Variants in STK32B observed in about 807,000 individuals in gnomAD.
The protein encoded by STK32B is serine/threonine kinase 32B.
In STK32B, 43 loss-of-function variants were observed where a neutral mutation model predicts 52.6. That is an observed-to-expected ratio of 0.82 (90% confidence interval 0.64 to 1.05). STK32B has a LOEUF of 1.05. Ranked by LOEUF, STK32B falls within the 50% of genes least tolerant of loss-of-function variation. The pLI, the probability that STK32B is intolerant of heterozygous loss-of-function variation, is 0.00. For missense variants in STK32B, 621 were observed against 534.6 expected (o/e 1.16, Z -1.59); for synonymous variants, 238 against 204.3 (o/e 1.17, Z -1.41).
intron 1 of STK32B, among the ~76,000 whole-genome samples, chr4:5,090,169 A>C (rs947666684): frequency 4.3e-5 from 6 of 138,844 alleles, no homozygotes; most frequent in African/African-American, 1.2e-4. Flanking sequence ...TTGCCTGTTC[A>C]CTCTGATGCT....
Position 5,051,773 on chromosome 4 carries a change from C to A in STK32B, c.-91C>A. On this transcript the variant is annotated 5_prime_UTR_variant, in exon 1 of 12. Coordinates refer to ENST00000282908, the MANE Select transcript of STK32B (RefSeq NM_018401.3). ...GCGGCTACAACCCGGACTGGGCGCG[C>A]CCCCGGCATCCCGCATCTCTGCGCG... 6.6e-7 allele frequency: 1 copy of A among 1,523,346 alleles called. No homozygotes were observed. Among genetic ancestry groups the A allele is most frequent in the Middle Eastern group, 1.7e-4 (1 of 5,834 alleles). 94.4% of individuals were successfully genotyped at this position (1,523,346 alleles called of 1,614,324 possible).
chr4:5,499,104 A>C lies in STK32B; in HGVS notation c.*21A>C, dbSNP rs1228042789. ...GCTGAGCCCACACTTGTTGCTGCTC[A>C]ACAGGACTGCACTCGTCTCTGCCCT... On this transcript the variant is annotated 3_prime_UTR_variant, in exon 12 of 12. Coordinates refer to ENST00000282908, the MANE Select transcript of STK32B (RefSeq NM_018401.3). 1 of 1,602,520 alleles carries C rather than the reference A, an allele frequency of 6.2e-7. No homozygotes were observed. The highest frequency in any genetic ancestry group is 2.3e-5 in the East Asian group (1 of 44,336).
At chr4:5,360,109 TC>T (rs1734449093) in intron 4 of STK32B, among the ~76,000 whole-genome samples, 1 of 152,018 alleles carries the variant, frequency 6.6e-6, no homozygotes, top group South Asian at 2.1e-4. Context: ...AGAGGAATAT[TC>T]CAATGGAAGC....
intron 3 of STK32B, among the ~76,000 whole-genome samples, chr4:5,224,838 C>T (rs1363118807): frequency 1.3e-5 from 2 of 151,918 alleles, no homozygotes; most frequent in African/African-American, 4.8e-5. Flanking sequence ...ATTAATAATA[C>T]TTATAGAGTT....
chr4:5,462,338 G>C (rs1414668005), intron 9 of STK32B, among the ~76,000 whole-genome samples: 1 of 151,490 alleles, frequency 6.6e-6, no homozygotes, highest in Non-Finnish European at 1.5e-5. Flanking sequence ...GTCTATATGT[G>C]TCCGTGTGCC....
At chr4:5,033,541 G>T in the STK32B span, among the ~76,000 whole-genome samples, 2 of 152,378 alleles carry the variant, frequency 1.3e-5, no homozygotes, top group East Asian at 1.9e-4. Flanking sequence ...ACGGCAAGCA[G>T]TGTTAAGTGT....
intron 4 of STK32B, among the ~76,000 whole-genome samples, chr4:5,384,086 C>A (rs28371860): frequency 3.3e-5 from 5 of 151,892 alleles, no homozygotes; most frequent in Admixed American, 2.6e-4. Context: ...GAGGCCATAG[C>A]GGGGGACAAT....
In STK32B at chr4:5,438,528, G is replaced by C. The variant is rs374745974; in HGVS notation, c.563-8145G>C. 1.3e-3 allele frequency among the ~76,000 whole-genome samples: 196 copies of C among 152,328 alleles called. 1 individual carries two copies. Among genetic ancestry groups the C allele is most frequent in the African/African-American group, 3.8e-3 (159 of 41,570 alleles). On this transcript the variant is annotated intron_variant, in intron 6 of 11. Transcript: ENST00000282908. ...AGGAGGGTTCCCAGATTTCTGGTTT[G>C]GGTAACTGATGGACGATGGGGAGGC...
intron 3 of STK32B, among the ~76,000 whole-genome samples, chr4:5,267,517 A>G (rs1442787294): frequency 6.6e-6 from 1 of 152,166 alleles, no homozygotes; most frequent in African/African-American, 2.4e-5. Context: ...GTGTGGGAAG[A>G]TGAGAGCATT....
At chr4:5,422,982 G>C (rs542083826) in intron 6 of STK32B, among the ~76,000 whole-genome samples, 2 of 152,176 alleles carry the variant, frequency 1.3e-5, no homozygotes, top group African/African-American at 4.8e-5. Context: ...TGTGAAGGGA[G>C]AACTTGGCAG....
intron 8 of STK32B, among the ~76,000 whole-genome samples, chr4:5,457,279 A>G (rs1196792801): frequency 6.3e-5 from 9 of 141,876 alleles, no homozygotes; most frequent in South Asian, 4.6e-4. Context: ...GCAGTGGCGC[A>G]GTCTCGACTC....
upstream of STK32B, among the ~76,000 whole-genome samples, chr4:5,046,797 C>T (rs1741627101): frequency 6.6e-6 from 1 of 152,214 alleles, no homozygotes; most frequent in Non-Finnish European, 1.5e-5. Context: ...GATACCATCT[C>T]ACACCAGTCA....
chr4:5,032,775 C>T, the STK32B span, among the ~76,000 whole-genome samples: 2 of 152,178 alleles, frequency 1.3e-5, no homozygotes. Flanking sequence ...ACTCTGTCCC[C>T]ATTAACCACT....
chr4:5,279,423 A>T, intron 3 of STK32B, among the ~76,000 whole-genome samples: 1 of 148,652 alleles, frequency 6.7e-6, no homozygotes, highest in East Asian at 2.0e-4. Context: ...GATGCAAAGG[A>T]CGGGCTTCCA....
At chr4:5,167,137 G>A (rs919186731) in intron 2 of STK32B, among the ~76,000 whole-genome samples, 1 of 151,952 alleles carries the variant, frequency 6.6e-6, no homozygotes, top group Non-Finnish European at 1.5e-5. Context: ...TTTAGAGCTT[G>A]CCCCCTGGTT....
At chr4:5,220,177 G>A (rs1398493399) in intron 3 of STK32B, among the ~76,000 whole-genome samples, 1 of 152,160 alleles carries the variant, frequency 6.6e-6, no homozygotes. Flanking sequence ...GTAACCTTTA[G>A]AGCCATAGCA....
intron 1 of STK32B, among the ~76,000 whole-genome samples, chr4:5,106,627 A>G (rs969245920): frequency 2.6e-5 from 4 of 152,286 alleles, no homozygotes; most frequent in Middle Eastern, 3.4e-3. Context: ...TATGCCATTT[A>G]TAGATTGTTT....
intron 4 of STK32B, among the ~76,000 whole-genome samples, chr4:5,370,996 GTATATATATATATA>G (rs1553879921): frequency 1.1e-4 from 15 of 141,118 alleles, no homozygotes; most frequent in Admixed American, 7.0e-4. Flanking sequence ...GTGTGTGTGT[GTATATATATATATA>G]TGTATATATA....
At chr4:5,176,668 T>C (rs1258503641) in intron 3 of STK32B, among the ~76,000 whole-genome samples, 1 of 151,996 alleles carries the variant, frequency 6.6e-6, no homozygotes, top group Admixed American at 6.6e-5. Flanking sequence ...GGTCTCAAGC[T>C]CCTGACCTCA....
Sources: gnomAD v4.1 joint callset for allele counts (sites outside exome capture counted in the v4.1 genomes callset) on GRCh38, gnomAD v4.1.1 for gene constraint, MANE v1.5 for transcripts, NCBI Gene and HGNC (gene_info 2026-07-23, HGNC 2026-07-21) for gene names.